The following MED12L variants were observed in gnomAD, a reference collection of about 807,000 sequenced individuals.
MED12L encodes the protein mediator of RNA polymerase II transcription subunit 12-like protein.
Under a neutral mutation model 281.3 loss-of-function variants are expected in MED12L, and 60 were observed. The observed-to-expected ratio is 0.21, with a 90% CI of 0.17 to 0.26. The LOEUF (loss-of-function observed/expected upper bound fraction) is 0.26, where lower values mean the gene tolerates loss of function less well. Among genes scored for constraint, MED12L ranks in the 10% least tolerant of loss-of-function variants. MED12L has a pLI of 1.00. For synonymous variants in MED12L, 974 were observed against 987.2 expected, an observed-to-expected ratio of 0.99 and a Z score of 0.25; for missense variants, 2,146 against 2,680.9, an observed-to-expected ratio of 0.80 and a Z score of 4.41.
chr3:151,426,859 C>T (rs1718936607), intron 43 of MED12L, among the ~76,000 whole-genome samples: 1 of 151,244 alleles, frequency 6.6e-6, no homozygotes, highest in Non-Finnish European at 1.5e-5. Context: ...ACTTTGTTAC[C>T]CTGACTGGAA....
chr3:151,086,103 G>A (rs1423204322), intron 1 of MED12L, among the ~76,000 whole-genome samples, 167 bp downstream of exon 1: 5 of 152,164 alleles, frequency 3.3e-5, no homozygotes, highest in African/African-American at 1.2e-4. Context: ...AAAGGGTTAA[G>A]TCGGCCCCAC....
intron 16 of MED12L, among the ~76,000 whole-genome samples, chr3:151,309,184 T>G (rs1172729789): frequency 6.7e-6 from 1 of 150,150 alleles, no homozygotes; most frequent in Non-Finnish European, 1.5e-5. Context: ...TAATTCATAC[T>G]TCAGTGAATT....
chr3:151,370,042 A>G (rs1195389888), intron 26 of MED12L, among the ~76,000 whole-genome samples: 7 of 152,174 alleles, frequency 4.6e-5, no homozygotes, highest in Admixed American at 3.3e-4. Flanking sequence ...GACCCAGGCA[A>G]TAGTTGCAAT....
At chr3:151,406,440 G>A (rs1716317328) in intron 39 of MED12L, among the ~76,000 whole-genome samples, 1 of 152,140 alleles carries the variant, frequency 6.6e-6, no homozygotes, top group Non-Finnish European at 1.5e-5. Flanking sequence ...TTTCTTTTTA[G>A]GAGCACATGA....
At chr3:151,301,015 T>C (rs1745843277) in intron 16 of MED12L, among the ~76,000 whole-genome samples, 1 of 152,204 alleles carries the variant, frequency 6.6e-6, no homozygotes, top group East Asian at 1.9e-4. Flanking sequence ...TCCACTCTTT[T>C]GAGAGTTTAG....
chr3:151,291,003 T>G (rs1559988504), intron 16 of MED12L, among the ~76,000 whole-genome samples: 1 of 152,198 alleles, frequency 6.6e-6, no homozygotes, highest in Non-Finnish European at 1.5e-5. Context: ...ATCCAGAGAT[T>G]CTTTTATGTA....
chr3:151,301,141 C>T (rs1745860732), intron 16 of MED12L, among the ~76,000 whole-genome samples: 1 of 152,222 alleles, frequency 6.6e-6, no homozygotes, highest in South Asian at 2.1e-4. Context: ...CAGAATCCCT[C>T]CTTTTTGGGT....
intron 39 of MED12L, among the ~76,000 whole-genome samples, chr3:151,404,973 C>T (rs939472813): frequency 4.0e-4 from 61 of 152,086 alleles, no homozygotes; most frequent in Admixed American, 3.2e-3. Flanking sequence ...AAATTATGTT[C>T]GAGGATCATT....
chr3:151,271,857 G>A (rs1440901277), intron 16 of MED12L, among the ~76,000 whole-genome samples: 1 of 152,166 alleles, frequency 6.6e-6, no homozygotes, highest in East Asian at 1.9e-4. Context: ...GAATGTAGAT[G>A]GCTGTGCCTA....
chr3:151,261,030 T>G (rs767161339), intron 16 of MED12L, among the ~76,000 whole-genome samples: 3 of 152,182 alleles, frequency 2.0e-5, no homozygotes, highest in Non-Finnish European at 4.4e-5. Flanking sequence ...TGAGGATCCC[T>G]GTGTGTTTAA....
In MED12L at chr3:151,190,702, T is replaced by A. The variant is rs1252197596; in HGVS notation, c.1754-15T>A. On this transcript the variant is annotated splice_polypyrimidine_tract_variant and intron_variant, in intron 13 of 44. Coordinates refer to ENST00000687756, the MANE Select transcript of MED12L (RefSeq NM_001393769.1). ...CCTGCTCAAGGAATTCTTGATTGAA[T>A]TTGTTTCTCTATAGCGGACCCAAAC... 1 of 1,612,520 alleles carries A rather than the reference T, an allele frequency of 6.2e-7. No homozygotes were observed. Among genetic ancestry groups the A allele is most frequent in the Non-Finnish European group, 8.5e-7 (1 of 1,178,668 alleles).
chr3:151,328,306 G>A (rs781753965), intron 16 of MED12L: 41 of 1,613,632 alleles, frequency 2.5e-5, no homozygotes, highest in Non-Finnish European at 3.4e-5. Flanking sequence ...CCAGCTTTTT[G>A]TTGTTTTTTC....
At chr3:151,347,588 A>G (rs1024163531) in intron 16 of MED12L, among the ~76,000 whole-genome samples, 1 of 152,150 alleles carries the variant, frequency 6.6e-6, no homozygotes, top group Non-Finnish European at 1.5e-5. Flanking sequence ...AATCGTGGCT[A>G]TGAGAGTATT....
chr3:151,274,541 C>A (rs1741532690), intron 16 of MED12L, among the ~76,000 whole-genome samples: 1 of 152,200 alleles, frequency 6.6e-6, no homozygotes, highest in Non-Finnish European at 1.5e-5. Context: ...CCTCCTAGGA[C>A]ATTTAACTGA....
chr3:151,105,065 C>A (rs1560049448), intron 2 of MED12L, among the ~76,000 whole-genome samples: 1 of 152,126 alleles, frequency 6.6e-6, no homozygotes, highest in Non-Finnish European at 1.5e-5. Context: ...CGAATTCTAC[C>A]CATCACAGTG....
chr3:151,242,202 C>T (rs534830096), intron 16 of MED12L, among the ~76,000 whole-genome samples: 1 of 152,322 alleles, frequency 6.6e-6, no homozygotes, highest in East Asian at 1.9e-4. Flanking sequence ...GGGGGAGGGG[C>T]GCCCGCCATT....
chr3:151,380,558 T>C (rs1712091474), intron 32 of MED12L, among the ~76,000 whole-genome samples: 1 of 149,052 alleles, frequency 6.7e-6, no homozygotes, highest in Non-Finnish European at 1.5e-5. Context: ...GATCGCGCCA[T>C]TGCACACCAG....
chr3:151,139,982 C>T (rs1716698091), intron 5 of MED12L, among the ~76,000 whole-genome samples: 1 of 152,098 alleles, frequency 6.6e-6, no homozygotes, highest in African/African-American at 2.4e-5. Flanking sequence ...TGGTACTTTT[C>T]CTGGAAGATA....
chr3:151,168,356 T>G (rs1036353928), intron 11 of MED12L, among the ~76,000 whole-genome samples: 2 of 152,230 alleles, frequency 1.3e-5, no homozygotes, highest in African/African-American at 4.8e-5. Context: ...TTGAAAGTTT[T>G]TACTAAAAAA....
Sources: allele counts gnomAD v4.1 joint callset (sites outside exome capture counted in the v4.1 genomes callset), GRCh38; gene constraint gnomAD v4.1.1; transcripts MANE v1.5; gene names NCBI Gene and HGNC (gene_info 2026-07-23, HGNC 2026-07-21).